SFI1: variants seen among roughly 807,000 people sequenced by gnomAD.
The protein encoded by SFI1 is protein SFI1 homolog.
SFI1 carries 195 observed loss-of-function variants against 207.5 expected under a neutral mutation model. The observed-to-expected ratio is 0.94, with a 90% CI of 0.84 to 1.06. The LOEUF is 1.06. SFI1 is among the 50% of genes least tolerant of loss of function. The pLI is 0.00. For synonymous variants in SFI1, 630 were observed against 598.9 expected (o/e 1.05, Z -0.76); for missense variants, 1,634 against 1,588.0 (o/e 1.03, Z -0.49).
intron 4 of SFI1, among the ~76,000 whole-genome samples, chr22:31,536,403 C>T (rs1031730645): frequency 6.6e-6 from 1 of 152,064 alleles, no homozygotes; most frequent in Non-Finnish European, 1.5e-5. Flanking sequence ...TTCCTAAAAT[C>T]CGTTTTATTT....
chr22:31,601,482 C>G (rs1448087368), intron 15 of SFI1, among the ~76,000 whole-genome samples: 1 of 152,084 alleles, frequency 6.6e-6, no homozygotes, highest in Non-Finnish European at 1.5e-5. Flanking sequence ...TTCCTGGGAC[C>G]CCCCCTCAGA....
intron 15 of SFI1, among the ~76,000 whole-genome samples, chr22:31,591,229 A>G (rs970734545): frequency 1.3e-5 from 2 of 152,128 alleles, no homozygotes; most frequent in Non-Finnish European, 2.9e-5. Context: ...ACCGCCCTTG[A>G]TCCATTTAAC....
At position 31,572,397 on chromosome 22, in the gene SFI1, A is replaced by G. The variant is rs145496936; in HGVS notation, c.766-661A>G. On this transcript the variant is annotated intron_variant, in intron 8 of 32. Coordinates refer to ENST00000400288, the MANE Select transcript of SFI1 (RefSeq NM_001007467.3). Reference sequence around the variant, plus strand: ...GAACTAATCTGCCTGAAAAAGGACTACTTTACAGTAGGCTTCCTCTGACTT... The same window carrying G: ...GAACTAATCTGCCTGAAAAAGGACTGCTTTACAGTAGGCTTCCTCTGACTT... Among the ~76,000 whole-genome samples, 3 of 152,230 alleles carry G rather than the reference A, an allele frequency of 2.0e-5. No individual in the cohort carries two copies. The East Asian group carries it at 5.8e-4, about 29-fold the overall frequency.
chr22:31,604,986 A>T, intron 20 of SFI1, 41 bp downstream of exon 20: 2 of 1,538,736 alleles, frequency 1.3e-6, no homozygotes, highest in Non-Finnish European at 1.8e-6. Flanking sequence ...GCTGGGGAAC[A>T]AGGAATGCAC....
intron 29 of SFI1, chr22:31,616,089 G>A (rs888505524): frequency 2.2e-4 from 33 of 152,266 alleles, no homozygotes; most frequent in African/African-American, 7.5e-4. Context: ...GAGGGGAGGA[G>A]GCTCCAAGCA....
Position 31,545,085 on chromosome 22 carries a change from G to T in SFI1, c.339-1776G>T, listed in dbSNP as rs577576706. On this transcript the variant is annotated intron_variant, in intron 4 of 32. Transcript: ENST00000400288. ...TGGCTAACTAAAAAAATTTAGGGGGGGCTGGATGTGGTGATTCAGGCATAT... is the reference window on the plus strand; with the variant it reads ...TGGCTAACTAAAAAAATTTAGGGGGTGCTGGATGTGGTGATTCAGGCATAT... 1.8e-4 allele frequency among the ~76,000 whole-genome samples: 27 copies of T among 152,158 alleles called. 1 individual carries two copies. The South Asian group carries it at 3.7e-3, about 21-fold the overall frequency.
rs1201513765 is a variant in SFI1 at position 31,553,836 on chromosome 22, A to ATT, written c.545-3105_545-3104insTT. ...CCATTCTATTTTTTTTTAATGGATTATGTTTTTTTTTTTTTTTTTTTTTTT... is the reference window on the plus strand; with the variant it reads ...CCATTCTATTTTTTTTTAATGGATTATTTGTTTTTTTTTTTTTTTTTTTTTTT... On this transcript the variant is annotated intron_variant, in intron 6 of 32. Coordinates refer to ENST00000400288, the MANE Select transcript of SFI1 (RefSeq NM_001007467.3). Among the ~76,000 whole-genome samples the ATT allele has an allele frequency of 4.1e-3, 90 of 21,958 alleles. 3 individuals carry two copies. The highest frequency in any genetic ancestry group is 0.011 in the African/African-American group (79 of 7,314). 14.4% of individuals were successfully genotyped at this position (21,958 alleles called of 152,430 possible).
rs1306429632 is a variant in SFI1 at position 31,585,076 on chromosome 22, T to C, written c.1355T>C (p.Leu452Pro). The C allele has an allele frequency of 1.2e-6, 2 of 1,613,940 alleles. No homozygotes were observed. The highest frequency in any genetic ancestry group is 8.5e-7 in the Non-Finnish European group (1 of 1,179,928). Residue 452 changes from leucine (L) to proline (P), a missense_variant, in exon 14 of 33, where the codon CTG (leucine) becomes CCG (proline). Physicochemically the swap from Leu to Pro is moderately conservative, Grantham distance 98 (BLOSUM62 -3). Transcript: ENST00000400288. ...HAAWDHYRIA[L>P]LCKCIELWLQ... is the part of the protein sequence containing the mutation. ...TCTTCCTTTTGTTTCAGAATAGCAC[T>C]GCTGTGCAAATGTATCGAATTGTGG...
intron 5 of SFI1, among the ~76,000 whole-genome samples, chr22:31,549,005 C>T (rs1013411632): frequency 4.0e-5 from 6 of 151,590 alleles, no homozygotes; most frequent in South Asian, 4.2e-4. Context: ...ATGTGACTGT[C>T]GGCCAGGCAT....
Position 31,615,204 on chromosome 22 carries a change from G to A in SFI1, c.3225G>A (p.Thr1075=), listed in dbSNP as rs61742933. The change falls in exon 29 of 33, where the codon ACG becomes ACA. Residue 1075 remains threonine (T), a synonymous_variant. Transcript: ENST00000400288. ...SSAPGPKQPP[T]ASTGPELLLL... is the part of the protein sequence containing the mutation. The stretch of plus-strand genomic sequence containing the variant: ...CCCCTGGCCCGAAGCAGCCCCCGAC[G>A]GCAAGCACAGGCCCGGAGCTGCTGC... 5,321 of 1,578,276 alleles carry A rather than the reference G, an allele frequency of 3.4e-3. 14 individuals are homozygous for A. The highest frequency in any genetic ancestry group is 4.1e-3 in the Non-Finnish European group (4,745 of 1,166,566).
chr22:31,556,763 A>G (rs2061208447), intron 6 of SFI1, among the ~76,000 whole-genome samples, 179 bp from the exon 7 acceptor site: 4 of 152,208 alleles, frequency 2.6e-5, no homozygotes, highest in Admixed American at 2.0e-4. Flanking sequence ...ACTTGCACAG[A>G]GCCTTCATGT....
At chr22:31,544,285 G>C (rs761757876) in intron 4 of SFI1, among the ~76,000 whole-genome samples, 3 of 152,004 alleles carry the variant, frequency 2.0e-5, no homozygotes, top group Non-Finnish European at 4.4e-5. Context: ...TTTTGCTGTT[G>C]TTATGACTCC....
intron 11 of SFI1, 89 bp from the exon 12 acceptor site, chr22:31,580,183 T>A (rs2063944864): frequency 2.1e-6 from 2 of 932,464 alleles, no homozygotes. Context: ...CCCCGCTGAT[T>A]TGAGGCACTG....
chr22:31,599,192 G>T (rs1221272711), intron 15 of SFI1, among the ~76,000 whole-genome samples: 1 of 151,950 alleles, frequency 6.6e-6, no homozygotes, highest in Admixed American at 6.6e-5. Context: ...ATTTTATCTG[G>T]AAGCTTTATA....
At chr22:31,594,555 AAAAAAAAG>A in intron 15 of SFI1, among the ~76,000 whole-genome samples, 1 of 107,464 alleles carries the variant, frequency 9.3e-6, no homozygotes, top group Non-Finnish European at 1.9e-5. Context: ...CTCAAAAAAA[AAAAAAAAG>A]AAAAGAAAAA....
chr22:31,553,311 G>A (rs1374204976), intron 6 of SFI1, among the ~76,000 whole-genome samples: 1 of 151,758 alleles, frequency 6.6e-6, no homozygotes, highest in Non-Finnish European at 1.5e-5. Context: ...CTTTTAAATT[G>A]GGTTGTTTGT....
At chr22:31,540,964 T>C (rs1011320421) in intron 4 of SFI1, among the ~76,000 whole-genome samples, 1 of 152,180 alleles carries the variant, frequency 6.6e-6, no homozygotes, top group Non-Finnish European at 1.5e-5. Flanking sequence ...TCTAGGACCA[T>C]CTCCCAAGCT....
Position 31,615,296 on chromosome 22 carries a change from C to A in SFI1, c.3300+17C>A, listed in dbSNP as rs746371565. The A allele has an allele frequency of 3.4e-6, 5 of 1,464,444 alleles. No homozygotes were observed. Among genetic ancestry groups the A allele is most frequent in the Non-Finnish European group, 4.5e-6 (5 of 1,113,112 alleles). 90.7% of individuals were successfully genotyped at this position (1,464,444 alleles called of 1,614,324 possible). A position where few individuals can be genotyped will look rare whatever the true frequency, so the allele number is the denominator to read the frequency against. On this transcript the variant is annotated intron_variant, in intron 29 of 32. Coordinates refer to ENST00000400288, the MANE Select transcript of SFI1 (RefSeq NM_001007467.3). ...CCAGCCAGGGTACGTCCTCCACCAC[C>A]AGGCCTGGGCACTGGGGCTCTCACT...
chr22:31,587,316 T>TTTTGTTTTG (rs2146327817), intron 14 of SFI1: 2 of 401,404 alleles, frequency 5.0e-6, no homozygotes, highest in Non-Finnish European at 1.0e-5. Flanking sequence ...TTTTGTTTTG[T>TTTTGTTTTG]TTTTGAGACA....
Sources: allele counts gnomAD v4.1 joint callset (sites outside exome capture counted in the v4.1 genomes callset), GRCh38; gene constraint gnomAD v4.1.1; transcripts MANE v1.5; gene names NCBI Gene and HGNC (gene_info 2026-07-23, HGNC 2026-07-21).